Variants in COL4A2 observed in about 807,000 individuals in gnomAD.
The protein encoded by COL4A2 is collagen type IV alpha 2 chain.
COL4A2 carries 99 observed loss-of-function variants against 200.2 expected under a neutral mutation model. The ratio of observed to expected loss-of-function variants is 0.49; its 90% confidence interval spans 0.42 to 0.58. The LOEUF (loss-of-function observed/expected upper bound fraction) is 0.58, where lower values mean the gene tolerates loss of function less well. Among genes scored for constraint, COL4A2 ranks in the 20% least tolerant of loss-of-function variants. The pLI is 0.00. For synonymous variants in COL4A2, 897 were observed against 900.6 expected, an observed-to-expected ratio of 1.00 and a Z score of 0.07; for missense variants, 1,950 against 2,314.1, an observed-to-expected ratio of 0.84 and a Z score of 3.23.
chr13:110,479,540 G>A (rs76823366), intron 30 of COL4A2, among the ~76,000 whole-genome samples: 5,782 of 53,100 alleles, frequency 0.11, 342 homozygotes, highest in African/African-American at 0.24. Flanking sequence ...GGGGGCTGGG[G>A]GTTTAGATAA....
intron 3 of COL4A2, among the ~76,000 whole-genome samples, chr13:110,355,994 G>T (rs1877247634): frequency 6.6e-6 from 1 of 152,136 alleles, no homozygotes; most frequent in Non-Finnish European, 1.5e-5. Flanking sequence ...AGACTCGGCT[G>T]ATCAGAAAGG....
intron 4 of COL4A2, among the ~76,000 whole-genome samples, chr13:110,387,873 T>C (rs538012037): frequency 1.3e-5 from 2 of 152,332 alleles, no homozygotes; most frequent in East Asian, 1.9e-4. Flanking sequence ...CTGGCTTGGC[T>C]GTGCCTGGGT....
chr13:110,492,271 T>G, intron 38 of COL4A2, 94 bp downstream of exon 38: 1 of 1,093,800 alleles, frequency 9.1e-7, no homozygotes, highest in Non-Finnish European at 1.3e-6. Context: ...CAGGGCGACT[T>G]CTAAGGCCCA....
chr13:110,457,947 C>G, intron 21 of COL4A2: 2 of 392,134 alleles, frequency 5.1e-6, no homozygotes, highest in Non-Finnish European at 1.0e-5. Context: ...GTCTTTGCAC[C>G]TGACCCTTTC....
chr13:110,362,842 C>A (rs1193990141), intron 4 of COL4A2, among the ~76,000 whole-genome samples: 1 of 152,192 alleles, frequency 6.6e-6, no homozygotes, highest in Non-Finnish European at 1.5e-5. Flanking sequence ...ACTCACCTAG[C>A]AGATGGTGAA....
chr13:110,414,571 C>T (rs1482127715), intron 4 of COL4A2, among the ~76,000 whole-genome samples: 1 of 152,342 alleles, frequency 6.6e-6, no homozygotes, highest in African/African-American at 2.4e-5. Flanking sequence ...AGGTGACTCT[C>T]ACGCTGCCGA....
intron 4 of COL4A2, among the ~76,000 whole-genome samples, chr13:110,359,004 T>G (rs1877404451): frequency 6.6e-6 from 1 of 152,202 alleles, no homozygotes; most frequent in Non-Finnish European, 1.5e-5. Flanking sequence ...TAAGCAGAAA[T>G]GTCATAAAAA....
At chr13:110,477,977 A>G in intron 29 of COL4A2, 26 bp from the exon 30 acceptor site, 4 of 1,526,520 alleles carry the variant, frequency 2.6e-6, no homozygotes, top group Non-Finnish European at 3.5e-6. Context: ...GTTGGCCCCC[A>G]CAGCTCTTGT....
chr13:110,484,389 T>C (rs78886484), intron 32 of COL4A2, among the ~76,000 whole-genome samples: 4,318 of 152,148 alleles, frequency 0.028, 212 homozygotes, highest in African/African-American at 0.098. Context: ...TAGCACAGTT[T>C]CCCGCCCGGC....
At position 110,482,536 on chromosome 13, in the gene COL4A2, A is replaced by T; in HGVS notation, c.2779A>T (p.Met927Leu). ...GLKGDRGSPG[M>L]DGFQGMPGLK... ...TGAAGGAGATAGAGGCTCACCTGGGATGGATGGTTTCCAAGGCATGCCTGG... is the reference window on the plus strand; with the variant it reads ...TGAAGGAGATAGAGGCTCACCTGGGTTGGATGGTTTCCAAGGCATGCCTGG... The change falls in exon 32 of 48, where the codon ATG (methionine) becomes TTG (leucine). Residue 927 changes from methionine (M) to leucine (L), a missense_variant. By Grantham distance (15) the Met-to-Leu change is conservative (BLOSUM62 2). This residue lies in a region of COL4A2 where 1,385 missense variants were observed against 1,720.5 expected (regional missense o/e 0.80). Coordinates refer to ENST00000360467, the MANE Select transcript of COL4A2 (RefSeq NM_001846.4). The T allele has an allele frequency of 1.2e-6, 2 of 1,614,142 alleles. No individual in the cohort carries two copies. The highest frequency in any genetic ancestry group is 1.7e-6 in the Non-Finnish European group (2 of 1,180,014).
chr13:110,438,378 C>G (rs1361329421), intron 14 of COL4A2, among the ~76,000 whole-genome samples: 2 of 152,248 alleles, frequency 1.3e-5, no homozygotes, highest in Admixed American at 6.5e-5. Context: ...CCAGCTCTCC[C>G]TCGCGGTCGC....
intron 4 of COL4A2, among the ~76,000 whole-genome samples, chr13:110,409,723 T>G (rs1455042972): frequency 1.3e-5 from 2 of 152,240 alleles, no homozygotes; most frequent in Non-Finnish European, 2.9e-5. Context: ...TCTGGACAAA[T>G]GAGCCATGCA....
chr13:110,422,540 G>T (rs1051458909), intron 4 of COL4A2, among the ~76,000 whole-genome samples: 1 of 152,196 alleles, frequency 6.6e-6, no homozygotes, highest in African/African-American at 2.4e-5. Flanking sequence ...GAGTACTGAT[G>T]TGGCATTGAC....
At chr13:110,510,227 A>G (rs1439785602) in intron 47 of COL4A2, among the ~76,000 whole-genome samples, 2 of 152,200 alleles carry the variant, frequency 1.3e-5, no homozygotes, top group Non-Finnish European at 2.9e-5. Flanking sequence ...GTGGCCCCAG[A>G]GGATGCATTT....
intron 4 of COL4A2, among the ~76,000 whole-genome samples, chr13:110,409,784 CT>C (rs745931152): frequency 2.0e-5 from 3 of 152,286 alleles, no homozygotes; most frequent in African/African-American, 7.2e-5. Context: ...GTTTGTTGTT[CT>C]TTTTTTAATT....
chr13:110,410,944 A>G (rs973447010), intron 4 of COL4A2, among the ~76,000 whole-genome samples: 9 of 152,130 alleles, frequency 5.9e-5, no homozygotes, highest in African/African-American at 2.2e-4. Context: ...ATCAGTGTTA[A>G]ATCACTTCGG....
Position 110,510,116 on chromosome 13 carries a change from G to A in COL4A2, c.4882-1818G>A, listed in dbSNP as rs529048318. Among the ~76,000 whole-genome samples the A allele has an allele frequency of 2.0e-5, 3 of 152,362 alleles. No homozygotes were observed. In the South Asian group the frequency reaches 6.2e-4, roughly 32 times the overall value. On this transcript the variant is annotated intron_variant, in intron 47 of 47. Transcript: ENST00000360467. ...GACTTTGGAGAGGAGAGGACAGCTT[G>A]GCTGAGAGCAACTGCCCCACCGTCC...
chr13:110,453,550 G>A (rs1446344983), intron 20 of COL4A2, among the ~76,000 whole-genome samples: 5 of 152,138 alleles, frequency 3.3e-5, no homozygotes, highest in African/African-American at 4.8e-5. Flanking sequence ...GGTGATCAAA[G>A]GCTAACGTTG....
rs188384088 is a variant in COL4A2 at position 110,324,617 on chromosome 13, G to A, written c.99+16494G>A. ...GCCGATTTGGATCAGGCAGGTCTGG[G>A]GCTCCTGGGACTCTGCATTCCTAAT... is the stretch of plus-strand genomic sequence containing the variant. On this transcript the variant is annotated intron_variant, in intron 3 of 47. Coordinates refer to ENST00000360467, the MANE Select transcript of COL4A2 (RefSeq NM_001846.4). 2.9e-3 allele frequency among the ~76,000 whole-genome samples: 439 copies of A among 152,330 alleles called. 10 individuals carry two copies. The highest frequency in any genetic ancestry group is 0.01 in the Middle Eastern group (3 of 294).
Sources: allele counts gnomAD v4.1 joint callset (sites outside exome capture counted in the v4.1 genomes callset), GRCh38; gene constraint gnomAD v4.1.1; regional missense constraint gnomAD v4.1.1; transcripts MANE v1.5; gene names NCBI Gene and HGNC (gene_info 2026-07-23, HGNC 2026-07-21).